The following BIVM variants were observed in gnomAD, a reference collection of about 807,000 sequenced individuals.
BIVM encodes the protein basic immunoglobulin-like variable motif-containing protein.
Under a neutral mutation model 61.4 loss-of-function variants are expected in BIVM, and 31 were observed. The ratio of observed to expected loss-of-function variants is 0.51; its 90% CI spans 0.38 to 0.68. The LOEUF (loss-of-function observed/expected upper bound fraction) is 0.68. BIVM is among the 30% of genes least tolerant of loss of function. The pLI, the probability that BIVM is intolerant of heterozygous loss-of-function variation, is 0.00. For missense variants in BIVM, 526 were observed against 596.0 expected, an observed-to-expected ratio of 0.88 and a Z score of 1.22; for synonymous variants, 189 against 210.7, an observed-to-expected ratio of 0.90 and a Z score of 0.89.
At chr13:102,832,578 G>A (rs1239536368) in intron 8 of BIVM, among the ~76,000 whole-genome samples, 3 of 152,132 alleles carry the variant, frequency 2.0e-5, no homozygotes, top group Admixed American at 1.3e-4. Context: ...CTCATCCAAC[G>A]TCCCACATGA....
rs766622390 is a variant in BIVM, at chr13:102,807,652, A to G, written c.385A>G (p.Asn129Asp). The change falls in exon 3 of 11, where the codon AAC (asparagine) becomes GAC (aspartate). Residue 129 changes from asparagine to aspartate, a missense_variant. Around this residue, in one of 3 missense-constraint regions of BIVM, gnomAD observed 312 missense variants for 343.8 expected, o/e 0.91. Transcript: ENST00000257336. The surrounding 1 kb of genome is among the most constrained non-coding windows in gnomAD (Gnocchi z 4.0). ...IIYNEENSLE[N>D]LSNSLGKLPL... Reference sequence around the variant, plus strand: ...CTACAATGAAGAAAATAGCTTGGAAAACTTATCCAACAGCCTGGGCAAGCT... The same window carrying G: ...CTACAATGAAGAAAATAGCTTGGAAGACTTATCCAACAGCCTGGGCAAGCT... 4 of 1,614,032 alleles carry G rather than the reference A, an allele frequency of 2.5e-6. No homozygotes were observed. Among genetic ancestry groups the G allele is most frequent in the Non-Finnish European group, 3.4e-6 (4 of 1,180,044 alleles).
chr13:102,813,578 A>G (rs2139175081), intron 3 of BIVM, among the ~76,000 whole-genome samples: 1 of 152,266 alleles, frequency 6.6e-6, no homozygotes, highest in Non-Finnish European at 1.5e-5. Flanking sequence ...ATCTCACAGT[A>G]GGCCTTATCT....
At chr13:102,833,368 C>T (rs1276971094) in intron 8 of BIVM, among the ~76,000 whole-genome samples, 8 of 70,774 alleles carry the variant, frequency 1.1e-4, no homozygotes, top group African/African-American at 1.6e-4. Context: ...TGCTGTGTTG[C>T]CCAGACTGGA....
intron 10 of BIVM, 144 bp downstream of exon 10, chr13:102,838,883 T>A: frequency 1.4e-6 from 1 of 721,224 alleles, no homozygotes; most frequent in Non-Finnish European, 2.1e-6. Context: ...CGGCTGTCTT[T>A]AAAACCCAAG....
chr13:102,829,815 G>A (rs142468204), intron 7 of BIVM, among the ~76,000 whole-genome samples: 110 of 151,912 alleles, frequency 7.2e-4, no homozygotes, highest in East Asian at 5.6e-3. Flanking sequence ...CTCCAGCCTC[G>A]GCGACAGAGC....
intron 8 of BIVM, among the ~76,000 whole-genome samples, chr13:102,833,069 G>A (rs1309837844): frequency 6.6e-6 from 1 of 151,628 alleles, no homozygotes; most frequent in Non-Finnish European, 1.5e-5. Flanking sequence ...GACCAGCCTG[G>A]GCAACATAGT....
At chr13:102,810,046 T>G (rs966055356) in intron 3 of BIVM, among the ~76,000 whole-genome samples, 4 of 152,092 alleles carry the variant, frequency 2.6e-5, no homozygotes, top group Non-Finnish European at 5.9e-5. Flanking sequence ...GTGCTGGGAT[T>G]ACAGGCGTGA....
intron 2 of BIVM, among the ~76,000 whole-genome samples, chr13:102,806,911 A>G (rs376020291): frequency 1.5e-5 from 2 of 130,862 alleles, no homozygotes; most frequent in South Asian, 4.8e-4. Flanking sequence ...ACTCCATCTC[A>G]AAAAAAAAAA....
rs1390874815 is a variant in BIVM, at chr13:102,838,752, C to G, written c.1218+13C>G. On this transcript the variant is annotated intron_variant, in intron 10 of 10. Coordinates refer to ENST00000257336, the MANE Select transcript of BIVM (RefSeq NM_017693.4). Reference sequence around the variant, plus strand: ...AAAAACAAAGAAGGTAAGAAGAACACCATTGTGTTTGAAGGCATTTCCCAG... The same window carrying G: ...AAAAACAAAGAAGGTAAGAAGAACAGCATTGTGTTTGAAGGCATTTCCCAG... 1.2e-6 allele frequency: 2 copies of G among 1,605,682 alleles called. No individual in the cohort carries two copies. The highest frequency in any genetic ancestry group is 4.5e-5 in the East Asian group (2 of 44,724).
intron 3 of BIVM, among the ~76,000 whole-genome samples, chr13:102,812,322 C>T (rs1182017517): frequency 6.6e-6 from 1 of 152,110 alleles, no homozygotes; most frequent in Non-Finnish European, 1.5e-5. Flanking sequence ...GTTTTAAAGT[C>T]CTTGTCTAGC....
Position 102,807,143 on chromosome 13 carries a change from T to C in BIVM, c.-122-3T>C. The stretch of plus-strand genomic sequence containing the variant: ...GTTGATCATTCTTTTTCCTTCCTCT[T>C]AGGAGCTCATTTTGCAGCTCTCAAG... On this transcript the variant is annotated splice_polypyrimidine_tract_variant and splice_region_variant and intron_variant, in intron 2 of 10. Transcript: ENST00000257336. This position sits in a 1 kb window ranked among gnomAD's most constrained non-coding sequence, Gnocchi z 4.0. 1 of 1,000,918 alleles carries C rather than the reference T, an allele frequency of 1.0e-6. No homozygotes were observed. The highest frequency in any genetic ancestry group is 1.8e-5 in the South Asian group (1 of 56,124). The allele number at this position is 1,000,918 out of a possible 1,614,324, so 62.0% of individuals were successfully genotyped here.
chr13:102,835,302 A>G, intron 9 of BIVM, among the ~76,000 whole-genome samples: 1 of 152,126 alleles, frequency 6.6e-6, no homozygotes, highest in East Asian at 1.9e-4. Flanking sequence ...CTGCACTCTC[A>G]TCTGGGTGAC....
intron 7 of BIVM, among the ~76,000 whole-genome samples, chr13:102,827,424 T>G (rs573217540): frequency 1.7e-4 from 25 of 148,758 alleles, no homozygotes; most frequent in Non-Finnish European, 2.4e-4. Context: ...GAGTAAGTTT[T>G]AATATATTTT....
intron 1 of BIVM, among the ~76,000 whole-genome samples, chr13:102,803,260 T>TG (rs1320144793): frequency 1.3e-5 from 2 of 151,964 alleles, no homozygotes; most frequent in Admixed American, 6.6e-5. Context: ...CCCAGCACTT[T>TG]GGGGGGCCGA....
chr13:102,839,787 A>G lies in BIVM; in HGVS notation c.1434A>G (p.Ala478=), dbSNP rs753878990. The change falls in exon 11 of 11, where the codon GCA becomes GCG. Residue 478 remains alanine (A), a synonymous_variant. Coordinates refer to ENST00000257336, the MANE Select transcript of BIVM (RefSeq NM_017693.4). ...GTGCTAGTTTCCATCAGGACTCGGC[A>G]TGGAAAAAGATGTCTAGTATCCATG... ...SFSASFHQDS[A]WKKMSSIHER... 15 of 1,614,112 alleles carry G rather than the reference A, an allele frequency of 9.3e-6. No homozygotes were observed. The South Asian group carries it at 1.4e-4, about 15-fold the overall frequency.
chr13:102,822,081 A>G lies in BIVM; in HGVS notation c.823A>G (p.Asn275Asp). The G allele has an allele frequency of 6.2e-7, 1 of 1,614,016 alleles. No individual in the cohort carries two copies. The change falls in exon 7 of 11, where the codon AAT becomes GAT. Residue 275 changes from asparagine to aspartate, a missense_variant. Coordinates refer to ENST00000257336, the MANE Select transcript of BIVM (RefSeq NM_017693.4). ...TTLMRWFRQI[N>D]DHFHVKGCSY... The stretch of plus-strand genomic sequence containing the variant: ...TACTTTCAGGTGGTTTAGACAAATT[A>G]ATGACCACTTCCATGTAAAAGGATG...
chr13:102,838,589 A>T (rs1050971103), intron 9 of BIVM, 54 bp from the exon 10 acceptor site: 1 of 1,461,470 alleles, frequency 6.8e-7, no homozygotes, highest in African/African-American at 1.4e-5. Context: ...TTCCATTGCA[A>T]TGATACTTTA....
At chr13:102,833,084 C>T (rs1303828419) in intron 8 of BIVM, among the ~76,000 whole-genome samples, 1 of 151,436 alleles carries the variant, frequency 6.6e-6, no homozygotes, top group Non-Finnish European at 1.5e-5. Context: ...CATAGTGAGA[C>T]CCTGTCTCTT....
intron 1 of BIVM, 76 bp downstream of exon 1, chr13:102,799,597 C>A (rs937573010): frequency 6.6e-6 from 1 of 152,450 alleles, no homozygotes; most frequent in African/African-American, 2.4e-5. Context: ...CCGCTGGGCA[C>A]CTGGGCGCCG....
Sources: allele counts gnomAD v4.1 joint callset (sites outside exome capture counted in the v4.1 genomes callset), GRCh38; gene constraint gnomAD v4.1.1; regional missense constraint gnomAD v4.1.1; non-coding constraint Gnocchi (gnomAD v3.1); transcripts MANE v1.5; gene names NCBI Gene and HGNC (gene_info 2026-07-23, HGNC 2026-07-21).